The following RNF180 variants were observed in gnomAD, a reference collection of about 807,000 sequenced individuals.
RNF180 encodes the protein ring finger protein 180, also known as E3 ubiquitin-protein ligase RNF180.
Under a neutral mutation model 59.2 loss-of-function variants are expected in RNF180, and 38 were observed. The ratio of observed to expected loss-of-function variants is 0.64; its 90% CI spans 0.50 to 0.84. RNF180 has a LOEUF of 0.84. RNF180 is among the 40% of genes least tolerant of loss of function. The pLI is 0.00. For missense variants in RNF180, 705 were observed against 700.9 expected (o/e 1.01, Z -0.07); for synonymous variants, 262 against 240.3 (o/e 1.09, Z -0.84).
intron 3 of RNF180, among the ~76,000 whole-genome samples, chr5:64,212,827 A>C (rs2112111534): frequency 6.6e-6 from 1 of 152,314 alleles, no homozygotes; most frequent in South Asian, 2.1e-4. Flanking sequence ...GAAATATATA[A>C]TTACATTTCT....
intron 5 of RNF180, among the ~76,000 whole-genome samples, chr5:64,239,982 C>T (rs1368187479): frequency 6.6e-6 from 1 of 152,110 alleles, no homozygotes; most frequent in Non-Finnish European, 1.5e-5. Context: ...ACTATTTAAA[C>T]TCAGGAACCA....
chr5:64,230,479 A>G (rs546561201), intron 5 of RNF180, among the ~76,000 whole-genome samples: 10 of 152,318 alleles, frequency 6.6e-5, no homozygotes, highest in African/African-American at 2.4e-4. Flanking sequence ...AGCTGGTTGC[A>G]TCTTTCTCAC....
chr5:64,347,474 G>T (rs1745600368), intron 7 of RNF180, among the ~76,000 whole-genome samples: 1 of 152,148 alleles, frequency 6.6e-6, no homozygotes, highest in African/African-American at 2.4e-5. Context: ...GTATGTTAAT[G>T]ATCAGAAGAC....
chr5:64,332,124 A>G (rs1744937545), intron 7 of RNF180, among the ~76,000 whole-genome samples: 1 of 152,100 alleles, frequency 6.6e-6, no homozygotes, highest in Non-Finnish European at 1.5e-5. Context: ...CTGAGCCAGT[A>G]GTAAGAGCCA....
At chr5:64,359,917 C>T (rs900754446) in intron 7 of RNF180, among the ~76,000 whole-genome samples, 3 of 151,828 alleles carry the variant, frequency 2.0e-5, no homozygotes, top group Admixed American at 2.0e-4. Context: ...TCTTGTTTTT[C>T]TCAGGTTTGT....
At chr5:64,194,589 C>T (rs1751358108) in intron 1 of RNF180, among the ~76,000 whole-genome samples, 1 of 152,192 alleles carries the variant, frequency 6.6e-6, no homozygotes, top group Non-Finnish European at 1.5e-5. Context: ...TACTGACTTC[C>T]ACAATGGTTG....
intron 7 of RNF180, among the ~76,000 whole-genome samples, chr5:64,335,046 T>C (rs1745063650): frequency 6.6e-6 from 1 of 152,236 alleles, no homozygotes; most frequent in African/African-American, 2.4e-5. Flanking sequence ...TTTTAGATTT[T>C]ACTGATTTGA....
intron 5 of RNF180, among the ~76,000 whole-genome samples, chr5:64,286,198 G>T (rs1284146699): frequency 6.6e-6 from 1 of 152,064 alleles, no homozygotes; most frequent in Admixed American, 6.5e-5. Flanking sequence ...TTAATAATAT[G>T]GTGTCATTTA....
At chr5:64,242,468 TAC>T (rs1742863769) in intron 5 of RNF180, among the ~76,000 whole-genome samples, 1 of 151,654 alleles carries the variant, frequency 6.6e-6, no homozygotes, top group African/African-American at 2.4e-5. Context: ...CCTCAGAAAA[TAC>T]AGAGAAACAA....
intron 7 of RNF180, among the ~76,000 whole-genome samples, chr5:64,353,513 AATAAG>A (rs1289463898): frequency 2.0e-5 from 3 of 151,762 alleles, no homozygotes; most frequent in East Asian, 1.9e-4. Context: ...CTGGAAACAA[AATAAG>A]AAATAAGTCG....
intron 5 of RNF180, among the ~76,000 whole-genome samples, chr5:64,320,619 C>T (rs1261980747): frequency 2.0e-5 from 3 of 152,144 alleles, no homozygotes; most frequent in Non-Finnish European, 2.9e-5. Flanking sequence ...TACTAATAAA[C>T]CTAATCCCTT....
chr5:64,176,360 TC>T (rs1202492662), intron 1 of RNF180, among the ~76,000 whole-genome samples: 4 of 152,152 alleles, frequency 2.6e-5, no homozygotes, highest in Non-Finnish European at 4.4e-5. Context: ...ATCTTCTTTT[TC>T]TTAAGGTTCT....
At chr5:64,256,087 A>G (rs908512568) in intron 5 of RNF180, among the ~76,000 whole-genome samples, 142 of 152,046 alleles carry the variant, frequency 9.3e-4, no homozygotes, top group African/African-American at 3.3e-3. Flanking sequence ...TTCATTGTAG[A>G]TTCTGGATAT....
chr5:64,212,314 C>T (rs1752353664), intron 3 of RNF180, among the ~76,000 whole-genome samples, 154 bp downstream of exon 3: 1 of 151,910 alleles, frequency 6.6e-6, no homozygotes, highest in Non-Finnish European at 1.5e-5. Context: ...TTTCTCCTTT[C>T]TCCGCTTTAT....
chr5:64,283,415 T>C (rs944033658), intron 5 of RNF180, among the ~76,000 whole-genome samples: 1 of 152,162 alleles, frequency 6.6e-6, no homozygotes, highest in Non-Finnish European at 1.5e-5. Flanking sequence ...TGGGTCTTGC[T>C]TCTTTATCTA....
intron 1 of RNF180, among the ~76,000 whole-genome samples, chr5:64,194,396 A>G (rs564231602): frequency 6.2e-4 from 94 of 152,142 alleles, no homozygotes; most frequent in African/African-American, 1.9e-3. Context: ...TCTTAATCCA[A>G]TCTATCATTG....
At chr5:64,180,624 A>T (rs533335668) in intron 1 of RNF180, among the ~76,000 whole-genome samples, 4 of 152,190 alleles carry the variant, frequency 2.6e-5, no homozygotes, top group Non-Finnish European at 5.9e-5. Context: ...TTAGGTTGAG[A>T]GGAATTTCTC....
chr5:64,354,273 A>G (rs1745930373), intron 7 of RNF180, among the ~76,000 whole-genome samples: 1 of 151,798 alleles, frequency 6.6e-6, no homozygotes, highest in South Asian at 2.1e-4. Context: ...CAGTGGAGAC[A>G]TTACTACCAC....
chr5:64,261,202 G>A (rs1300635222), intron 5 of RNF180, among the ~76,000 whole-genome samples: 1 of 152,140 alleles, frequency 6.6e-6, no homozygotes, highest in African/African-American at 2.4e-5. Flanking sequence ...TTGGAGAGAA[G>A]TGACTCTTCA....
Sources: allele counts gnomAD v4.1 joint callset (sites outside exome capture counted in the v4.1 genomes callset), GRCh38; gene constraint gnomAD v4.1.1; transcripts MANE v1.5; gene names NCBI Gene and HGNC (gene_info 2026-07-23, HGNC 2026-07-21).